Variants in TMEM132B observed in about 807,000 individuals in gnomAD.
TMEM132B encodes the protein transmembrane protein 132B.
Under a neutral mutation model 90.8 loss-of-function variants are expected in TMEM132B, and 18 were observed. The ratio of observed to expected loss-of-function variants is 0.20; its 90% CI spans 0.14 to 0.29. The LOEUF (loss-of-function observed/expected upper bound fraction) is 0.29, where lower values mean the gene tolerates loss of function less well. Among genes scored for constraint, TMEM132B ranks in the 10% least tolerant of loss-of-function variants. The pLI is 1.00. For synonymous variants in TMEM132B, 504 were observed against 523.3 expected (o/e 0.96, Z 0.50); for missense variants, 1,096 against 1,326.8 (o/e 0.83, Z 2.70).
chr12:125,471,190 T>C (rs1881708183), intron 3 of TMEM132B, among the ~76,000 whole-genome samples: 1 of 152,274 alleles, frequency 6.6e-6, no homozygotes, highest in Non-Finnish European at 1.5e-5. Context: ...AATATCTCTC[T>C]GTGTGATCTC....
At chr12:125,267,959 A>G (rs1239781607) in intron 1 of TMEM132B, among the ~76,000 whole-genome samples, 1 of 152,134 alleles carries the variant, frequency 6.6e-6, no homozygotes, top group African/African-American at 2.4e-5. Context: ...GGCTGCTATG[A>G]GCCAGGTGAG....
rs1879497165 is a variant in TMEM132B, at chr12:125,406,761, G to A, written c.960-8770G>A. 6.6e-6 allele frequency among the ~76,000 whole-genome samples: 1 copy of A among 152,290 alleles called. No homozygotes were observed. Among genetic ancestry groups the A allele is most frequent in the Middle Eastern group, 3.4e-3 (1 of 294 alleles). ...ACCACCCTCACTTCTGATGCCATCT[G>A]CAAGTCTGGAGGGTCCCCAAGACCA... On this transcript the variant is annotated intron_variant, in intron 2 of 8. Transcript: ENST00000682704. The surrounding 1 kb of genome is among the most constrained non-coding windows in gnomAD (Gnocchi z 8.3).
chr12:125,650,951 C>T lies in TMEM132B; in HGVS notation c.1912C>T (p.Gln638Ter), dbSNP rs1417738584. The T allele has an allele frequency of 6.2e-7, 1 of 1,611,946 alleles. No individual in the cohort carries two copies. The highest frequency in any genetic ancestry group is 1.3e-5 in the African/African-American group (1 of 74,854). Reference sequence around the variant, plus strand: ...TCGGGAGCCGGGAATAACCACGGTGCAGGTACACGCCGCCATGCCTTGCCC... The same window carrying T: ...TCGGGAGCCGGGAATAACCACGGTGTAGGTACACGCCGCCATGCCTTGCCC... ...AGREPGITTV[Q>*]VLSPLSDSIL... Residue 638 changes from glutamine (Q) to a stop codon, truncating the protein, a stop_gained and splice_region_variant, in exon 7 of 9, where the codon CAG becomes TAG. Transcript: ENST00000682704. LOFTEE classifies it high-confidence loss of function.
At chr12:125,439,994 A>T (rs1880822838) in intron 3 of TMEM132B, among the ~76,000 whole-genome samples, 1 of 152,222 alleles carries the variant, frequency 6.6e-6, no homozygotes, top group Non-Finnish European at 1.5e-5. Flanking sequence ...ATGTTGAACC[A>T]ACCTTGCATC....
At chr12:125,245,414 G>A (rs1017628027) in intron 1 of TMEM132B, among the ~76,000 whole-genome samples, 2 of 150,570 alleles carry the variant, frequency 1.3e-5, no homozygotes, top group African/African-American at 4.9e-5. Flanking sequence ...GTCACAGGTG[G>A]CCGAGGTAAG....
At chr12:125,483,586 A>G (rs576426477) in intron 3 of TMEM132B, among the ~76,000 whole-genome samples, 7 of 152,322 alleles carry the variant, frequency 4.6e-5, no homozygotes, top group Admixed American at 2.6e-4. Flanking sequence ...TTTGTCTTCA[A>G]CTAGACAGGG....
intron 5 of TMEM132B, among the ~76,000 whole-genome samples, chr12:125,628,139 G>T (rs1387263060): frequency 1.3e-5 from 2 of 152,168 alleles, no homozygotes; most frequent in Admixed American, 1.3e-4. Flanking sequence ...TTGAAGTAAT[G>T]ATTTCCTTTC....
intron 2 of TMEM132B, among the ~76,000 whole-genome samples, chr12:125,380,352 G>A (rs1878642439): frequency 6.6e-6 from 1 of 152,182 alleles, no homozygotes. Flanking sequence ...GGGACTCACT[G>A]TAACCCAGGA....
chr12:125,523,977 A>G (rs1313334860), intron 4 of TMEM132B, among the ~76,000 whole-genome samples: 2 of 152,188 alleles, frequency 1.3e-5, no homozygotes, highest in Admixed American at 6.5e-5. Flanking sequence ...GGGGATGTGG[A>G]CAGCCACAGG....
intron 4 of TMEM132B, among the ~76,000 whole-genome samples, chr12:125,556,710 G>A (rs1281266952): frequency 6.6e-6 from 1 of 152,154 alleles, no homozygotes; most frequent in Non-Finnish European, 1.5e-5. Context: ...CCTCATATGT[G>A]TAGCCTCATG....
intron 1 of TMEM132B, among the ~76,000 whole-genome samples, chr12:125,220,827 C>G (rs1053057609): frequency 6.6e-6 from 1 of 152,226 alleles, no homozygotes; most frequent in Non-Finnish European, 1.5e-5. Context: ...TTCCACGGCT[C>G]CCAGCTCGCT....
rs528102859 is a variant in TMEM132B, at chr12:125,284,561, T to C, written c.68-64891T>C. ...ACTTTATATCTTCAAGGGTCTTCCA[T>C]GCCAGTTTGCGTAGCATTGTCTCTT... On this transcript the variant is annotated intron_variant, in intron 1 of 8. Coordinates refer to ENST00000682704, the MANE Select transcript of TMEM132B (RefSeq NM_001366854.1). Among the ~76,000 whole-genome samples the C allele has an allele frequency of 2.6e-5, 4 of 152,368 alleles. No homozygotes were observed. In the South Asian group the frequency reaches 8.3e-4, roughly 32 times the overall value.
chr12:125,545,330 GA>G (rs141076772), intron 4 of TMEM132B, among the ~76,000 whole-genome samples: 1 of 152,352 alleles, frequency 6.6e-6, no homozygotes, highest in African/African-American at 2.4e-5. Flanking sequence ...TGTACAGTAG[GA>G]AGGGCCACAC....
At chr12:125,386,153 T>G (rs1878826346) in intron 2 of TMEM132B, among the ~76,000 whole-genome samples, 1 of 152,004 alleles carries the variant, frequency 6.6e-6, no homozygotes, top group South Asian at 2.1e-4. Flanking sequence ...ACTCCTGGCT[T>G]GTTTTTGTAT....
Position 125,407,504 on chromosome 12 carries a change from G to A in TMEM132B, c.960-8027G>A, listed in dbSNP as rs535564364. Among the ~76,000 whole-genome samples, 32 of 152,314 alleles carry A rather than the reference G, an allele frequency of 2.1e-4. No homozygotes were observed. Among genetic ancestry groups the A allele is most frequent in the African/African-American group, 6.3e-4 (26 of 41,576 alleles). On this transcript the variant is annotated intron_variant, in intron 2 of 8. Coordinates refer to ENST00000682704, the MANE Select transcript of TMEM132B (RefSeq NM_001366854.1). The surrounding 1 kb of genome is among the most constrained non-coding windows in gnomAD (Gnocchi z 6.7). ...ATGGGGAGTGAGATGGAGAAGGTGT[G>A]ACCCCGTGCCCTGTCTGTCTGTCCC... is the stretch of plus-strand genomic sequence containing the variant.
chr12:125,238,716 C>A (rs1465333001), intron 1 of TMEM132B, among the ~76,000 whole-genome samples: 1 of 151,708 alleles, frequency 6.6e-6, no homozygotes, highest in Non-Finnish European at 1.5e-5. Context: ...GACGTTTCAC[C>A]CACATGGGAC....
chr12:125,639,197 C>T (rs1886566415), intron 5 of TMEM132B, among the ~76,000 whole-genome samples: 2 of 152,228 alleles, frequency 1.3e-5, no homozygotes. Context: ...GTACCTCACA[C>T]ATAGAGATCT....
intron 1 of TMEM132B, among the ~76,000 whole-genome samples, chr12:125,240,762 G>A (rs1874044886): frequency 6.6e-6 from 1 of 152,156 alleles, no homozygotes; most frequent in African/African-American, 2.4e-5. Context: ...CCTAAGTTTT[G>A]TGTTCACGGA....
intron 4 of TMEM132B, among the ~76,000 whole-genome samples, chr12:125,536,416 G>T (rs1883798257): frequency 6.6e-6 from 1 of 152,090 alleles, no homozygotes; most frequent in South Asian, 2.1e-4. Flanking sequence ...CCTCCTGGGG[G>T]GCCACAGAGT....
Sources: gnomAD v4.1 joint callset for allele counts (sites outside exome capture counted in the v4.1 genomes callset) on GRCh38, gnomAD v4.1.1 for gene constraint, Gnocchi (gnomAD v3.1) non-coding constraint, MANE v1.5 for transcripts, NCBI Gene and HGNC (gene_info 2026-07-23, HGNC 2026-07-21) for gene names.